Variants in DIP2A observed in about 807,000 individuals in gnomAD.
DIP2A encodes the protein DIP2 acetate--CoA ligase A.
In DIP2A, 85 loss-of-function variants were observed where a neutral mutation model predicts 177.4. The ratio of observed to expected loss-of-function variants is 0.48; its 90% CI spans 0.40 to 0.57. DIP2A has a LOEUF of 0.57. Among genes scored for constraint, DIP2A ranks in the 20% least tolerant of loss-of-function variants. The probability of loss-of-function intolerance (pLI) is 0.00; values close to 1 mark genes in which losing one functional copy is unlikely to be tolerated. For synonymous variants in DIP2A, 886 were observed against 881.8 expected, an observed-to-expected ratio of 1.00 and a Z score of -0.08; for missense variants, 1,791 against 2,100.2, an observed-to-expected ratio of 0.85 and a Z score of 2.88.
chr21:46,540,602 G>C (rs2059774025), intron 17 of DIP2A, among the ~76,000 whole-genome samples: 1 of 152,180 alleles, frequency 6.6e-6, no homozygotes, highest in Admixed American at 6.5e-5. Context: ...CCTGTGGGTA[G>C]AACTCAGTGT....
At chr21:46,500,242 T>C (rs2057577585) in intron 5 of DIP2A, among the ~76,000 whole-genome samples, 1 of 152,236 alleles carries the variant, frequency 6.6e-6, no homozygotes, top group African/African-American at 2.4e-5. Context: ...TCCACACTGC[T>C]TCCAGCTCAT....
chr21:46,501,814 C>G (rs1000371422), intron 5 of DIP2A, among the ~76,000 whole-genome samples: 1 of 152,046 alleles, frequency 6.6e-6, no homozygotes, highest in Non-Finnish European at 1.5e-5. Flanking sequence ...ATCATTTATT[C>G]TTTTTGCTAG....
At chr21:46,503,317 C>T (rs1568986056) in intron 5 of DIP2A, among the ~76,000 whole-genome samples, 1 of 131,304 alleles carries the variant, frequency 7.6e-6, no homozygotes, top group Non-Finnish European at 1.6e-5. Context: ...TAAAGTGAGA[C>T]TCCATCTCAA....
At chr21:46,472,397 C>T (rs1457502537) in intron 1 of DIP2A, among the ~76,000 whole-genome samples, 3 of 152,200 alleles carry the variant, frequency 2.0e-5, no homozygotes, top group African/African-American at 4.8e-5. Flanking sequence ...TAACAACATT[C>T]AACAGACTGA....
Position 46,538,540 on chromosome 21 carries a change from G to T in DIP2A, c.1859G>T (p.Gly620Val). 1 of 1,563,194 alleles carries T rather than the reference G, an allele frequency of 6.4e-7. No homozygotes were observed. ...DMHWSLLAQR[G>V]QRDVSLSSLR... Reference sequence around the variant, plus strand: ...CACTGGTCTCTCCTAGCTCAGCGGGGCCAGAGGGACGTCAGCCTCAGCTCA... The same window carrying T: ...CACTGGTCTCTCCTAGCTCAGCGGGTCCAGAGGGACGTCAGCCTCAGCTCA... Residue 620 changes from glycine to valine, a missense_variant, in exon 16 of 38, where the codon GGC becomes GTC. By Grantham distance (109) the Gly-to-Val change is moderately radical. Transcript: ENST00000417564.
intron 18 of DIP2A, among the ~76,000 whole-genome samples, chr21:46,542,572 T>C (rs1461120159): frequency 6.6e-6 from 1 of 152,214 alleles, no homozygotes. Flanking sequence ...TGTTGGAGGT[T>C]TTCCTTGCTG....
At position 46,557,417 on chromosome 21, in the gene DIP2A, C is replaced by A; in HGVS notation, c.3630-168C>A. 1 of 881,740 alleles carries A rather than the reference C, an allele frequency of 1.1e-6. No individual in the cohort carries two copies. The highest frequency in any genetic ancestry group is 1.7e-5 in the African/African-American group (1 of 59,242). The allele number at this position is 881,740 out of a possible 1,614,324, so 54.6% of individuals were successfully genotyped here. On this transcript the variant is annotated intron_variant, in intron 30 of 37. Transcript: ENST00000417564. The surrounding 1 kb of genome is among the most constrained non-coding windows in gnomAD (Gnocchi z 6.0). ...TCAGAACCCCGTGCCTGCCATCCCCCAACCTTCACCCTGTGGCATGTTTTC... is the reference window on the plus strand; with the variant it reads ...TCAGAACCCCGTGCCTGCCATCCCCAAACCTTCACCCTGTGGCATGTTTTC...
At chr21:46,516,104 C>T (rs1250391636) in intron 8 of DIP2A, among the ~76,000 whole-genome samples, 1 of 152,112 alleles carries the variant, frequency 6.6e-6, no homozygotes, top group African/African-American at 2.4e-5. Context: ...GCTCTATTGA[C>T]AGTAATGTGT....
At chr21:46,529,931 A>G (rs116327813) in intron 9 of DIP2A, among the ~76,000 whole-genome samples, 5,519 of 152,312 alleles carry the variant, frequency 0.036, 147 homozygotes, top group Middle Eastern at 0.085. Flanking sequence ...ACACTGCCCT[A>G]TATGGTTGGC....
intron 13 of DIP2A, among the ~76,000 whole-genome samples, chr21:46,535,869 G>A (rs2059546997): frequency 1.3e-5 from 2 of 152,124 alleles, no homozygotes; most frequent in Admixed American, 1.3e-4. Context: ...CTGAGCCCAG[G>A]AGTTTTGGGC....
intron 22 of DIP2A, among the ~76,000 whole-genome samples, 171 bp from the exon 23 acceptor site, chr21:46,550,372 A>G (rs1472170476): frequency 6.6e-6 from 1 of 152,172 alleles, no homozygotes; most frequent in East Asian, 1.9e-4. Context: ...AATGGTAGAA[A>G]ACTGCACACA....
intron 13 of DIP2A, among the ~76,000 whole-genome samples, chr21:46,536,743 A>C (rs2059589407): frequency 6.6e-6 from 1 of 152,098 alleles, no homozygotes; most frequent in Non-Finnish European, 1.5e-5. Context: ...TTCTCTACTA[A>C]AAATACAAAA....
chr21:46,503,335 A>G (rs1335996087), intron 5 of DIP2A, among the ~76,000 whole-genome samples: 1 of 151,922 alleles, frequency 6.6e-6, no homozygotes, highest in Non-Finnish European at 1.5e-5. Flanking sequence ...CAAAAAAAAA[A>G]AAAAAAAAGG....
intron 23 of DIP2A, among the ~76,000 whole-genome samples, chr21:46,551,331 T>C (rs1007859627): frequency 6.6e-6 from 1 of 152,236 alleles, no homozygotes; most frequent in African/African-American, 2.4e-5. Context: ...TTTCCTGATT[T>C]ATACATAAAG....
At chr21:46,468,352 C>T (rs62224257) in intron 1 of DIP2A, among the ~76,000 whole-genome samples, 40,599 of 150,076 alleles carry the variant, frequency 0.27, 5,862 homozygotes, top group East Asian at 0.36. Flanking sequence ...CCGCTTGAAC[C>T]TGGGAGGTGG....
chr21:46,562,317 A>T (rs2060693483), intron 34 of DIP2A, among the ~76,000 whole-genome samples: 1 of 152,218 alleles, frequency 6.6e-6, no homozygotes, highest in South Asian at 2.1e-4. Flanking sequence ...ATAGGCACAG[A>T]ACAGCATCCT....
In DIP2A at chr21:46,541,752, C is replaced by G; in HGVS notation, c.2037-4C>G. On this transcript the variant is annotated splice_region_variant and splice_polypyrimidine_tract_variant and intron_variant, in intron 17 of 37. Coordinates refer to ENST00000417564, the MANE Select transcript of DIP2A (RefSeq NM_015151.4). ...GTTAAACCCATGGTGGTTTTATTTT[C>G]TAGGCCACCTGATCTGGGAGGACCA... 1.2e-6 allele frequency: 2 copies of G among 1,613,842 alleles called. No homozygotes were observed. Among genetic ancestry groups the G allele is most frequent in the South Asian group, 1.1e-5 (1 of 91,076 alleles).
chr21:46,486,821 A>G (rs2056727565), intron 2 of DIP2A, among the ~76,000 whole-genome samples: 1 of 152,232 alleles, frequency 6.6e-6, no homozygotes, highest in African/African-American at 2.4e-5. Flanking sequence ...CTCTTGTACA[A>G]AAATGTTCAT....
Position 46,539,804 on chromosome 21 carries a change from A to C in DIP2A, c.1922-73A>C, listed in dbSNP as rs756162817. The C allele has an allele frequency of 2.5e-5, 32 of 1,271,566 alleles. No homozygotes were observed. The African/African-American group carries it at 4.2e-4, about 17-fold the overall frequency. The allele number at this position is 1,271,566 out of a possible 1,614,324, so 78.8% of individuals were successfully genotyped here. On this transcript the variant is annotated intron_variant, in intron 16 of 37. Transcript: ENST00000417564. ...GATGGCCGCAGGCTGCGCTAACTTG[A>C]GCATGTCCAGCCACCCCTTCCCTGC...
Sources: allele counts gnomAD v4.1 joint callset (sites outside exome capture counted in the v4.1 genomes callset), GRCh38; gene constraint gnomAD v4.1.1; non-coding constraint Gnocchi (gnomAD v3.1); transcripts MANE v1.5; gene names NCBI Gene and HGNC (gene_info 2026-07-23, HGNC 2026-07-21).